Variants in RGS7 observed in about 807,000 individuals in gnomAD.
RGS7 encodes regulator of G-protein signaling 7.
Under a neutral mutation model 81.1 loss-of-function variants are expected in RGS7, and 27 were observed. The observed-to-expected ratio is 0.33, with a 90% confidence interval of 0.25 to 0.46. The LOEUF is 0.46. Ranked by LOEUF, RGS7 falls within the 20% of genes least tolerant of loss-of-function variation. The pLI, the probability that RGS7 is intolerant of heterozygous loss-of-function variation, is 1.00. For synonymous variants in RGS7, 208 were observed against 207.7 expected, an observed-to-expected ratio of 1.00 and a Z score of -0.01; for missense variants, 396 against 607.4, an observed-to-expected ratio of 0.65 and a Z score of 3.66.
chr1:240,854,100 G>T (rs1204138524), intron 9 of RGS7, among the ~76,000 whole-genome samples: 40 of 152,066 alleles, frequency 2.6e-4, no homozygotes, highest in Non-Finnish European at 8.8e-5. Flanking sequence ...GATAATAATT[G>T]ATAGAGACAA....
chr1:241,331,893 T>A (rs2081997741), intron 2 of RGS7, among the ~76,000 whole-genome samples: 1 of 152,190 alleles, frequency 6.6e-6, no homozygotes, highest in Non-Finnish European at 1.5e-5. Context: ...GAAGCATCAA[T>A]AACATGCTGA....
At chr1:241,252,945 A>T (rs1450128221) in intron 2 of RGS7, among the ~76,000 whole-genome samples, 1 of 152,198 alleles carries the variant, frequency 6.6e-6, no homozygotes, top group Non-Finnish European at 1.5e-5. Context: ...AGCAGTACTC[A>T]TCCTCTGAAG....
At chr1:240,810,239 C>T (rs377320221) in intron 14 of RGS7, among the ~76,000 whole-genome samples, 3 of 152,144 alleles carry the variant, frequency 2.0e-5, no homozygotes, top group South Asian at 4.2e-4. Flanking sequence ...CTGTATCTAC[C>T]AATAGACTGT....
At chr1:241,106,691 G>A (rs2065120778) in intron 2 of RGS7, among the ~76,000 whole-genome samples, 1 of 145,038 alleles carries the variant, frequency 6.9e-6, no homozygotes, top group Non-Finnish European at 1.5e-5. Flanking sequence ...ACTCCAGCCT[G>A]GGTGACAGAG....
At chr1:240,959,143 T>C (rs1680930054) in intron 4 of RGS7, among the ~76,000 whole-genome samples, 1 of 152,242 alleles carries the variant, frequency 6.6e-6, no homozygotes, top group Admixed American at 6.5e-5. Context: ...TGGATATGAC[T>C]AAAGTTTACT....
chr1:241,056,548 T>C (rs1393170142), intron 3 of RGS7, among the ~76,000 whole-genome samples: 1 of 152,218 alleles, frequency 6.6e-6, no homozygotes, highest in Non-Finnish European at 1.5e-5. Flanking sequence ...CAGTAAGTAT[T>C]TGTTGAATGA....
chr1:240,842,722 C>A (rs12060495), intron 9 of RGS7, among the ~76,000 whole-genome samples: 101,461 of 151,920 alleles, frequency 0.67, 34,282 homozygotes, highest in Middle Eastern at 0.76. Context: ...CAGACCAATA[C>A]GTTGGAGTTG....
rs528991902 is a variant in RGS7, at chr1:241,046,283, GGGTAGT to G, written c.175+52377_175+52382del. ...CCAGGGAGTAAACACAATACCTAAT[GGGTAGT>G]TTTTCAGCCCTGACCCCCCCCCCCT... On this transcript the variant is annotated intron_variant, in intron 3 of 18. Transcript: ENST00000440928. Among the ~76,000 whole-genome samples the G allele has an allele frequency of 1.4e-3, 188 of 135,768 alleles. 1 individual carries two copies. The highest frequency in any genetic ancestry group is 2.1e-3 in the Non-Finnish European group (137 of 64,202). 89.1% of individuals were successfully genotyped at this position (135,768 alleles called of 152,430 possible).
intron 3 of RGS7, among the ~76,000 whole-genome samples, chr1:241,085,833 A>T (rs1244620367): frequency 6.6e-6 from 1 of 152,102 alleles, no homozygotes; most frequent in Non-Finnish European, 1.5e-5. Context: ...CTTTGTTAAG[A>T]CTCAAATAAA....
chr1:241,346,003 G>A (rs924602451), intron 2 of RGS7, among the ~76,000 whole-genome samples: 6 of 151,770 alleles, frequency 4.0e-5, no homozygotes, highest in Non-Finnish European at 5.9e-5. Flanking sequence ...GATGGAGCGA[G>A]AGTCCGTCTC....
chr1:240,850,329 AC>A lies in RGS7; in HGVS notation c.609+18257del, dbSNP rs368448043. ...TTTGGCAATTCTAGTAATATTTCAG[AC>A]CTTTTCATTATTATCGTATCTGCCA... On this transcript the variant is annotated intron_variant, in intron 9 of 18. Transcript: ENST00000440928. Among the ~76,000 whole-genome samples, 640 of 152,140 alleles carry A rather than the reference AC, an allele frequency of 4.2e-3. 6 individuals are homozygous for A. The highest frequency in any genetic ancestry group is 0.015 in the African/African-American group (611 of 41,482).
rs542013254 is a variant in RGS7, at chr1:240,881,320, A to G, written c.386-11201T>C. On this transcript the variant is annotated intron_variant, in intron 6 of 18. Coordinates refer to ENST00000440928, the MANE Select transcript of RGS7 (RefSeq NM_001364886.1). ...ACAATGAGAACACTTGGACACAGGG[A>G]GGGGAACATCACACACGGGGGGCCT... 3.3e-4 allele frequency among the ~76,000 whole-genome samples: 35 copies of G among 107,552 alleles called. No homozygotes were observed. In the South Asian group the frequency reaches 0.01, roughly 32 times the overall value. 70.6% of individuals were successfully genotyped at this position (107,552 alleles called of 152,430 possible).
intron 3 of RGS7, among the ~76,000 whole-genome samples, chr1:241,057,132 A>G (rs950768890): frequency 6.6e-6 from 1 of 152,074 alleles, no homozygotes; most frequent in Non-Finnish European, 1.5e-5. Flanking sequence ...GGGGAGAGAT[A>G]GCCAAATTGA....
chr1:241,177,321 G>A (rs141346007), intron 2 of RGS7, among the ~76,000 whole-genome samples: 149 of 152,246 alleles, frequency 9.8e-4, no homozygotes, highest in African/African-American at 3.5e-3. Context: ...ATCTGATGGA[G>A]AGAGTTCAGC....
intron 18 of RGS7, among the ~76,000 whole-genome samples, chr1:240,789,069 C>T (rs1001364812): frequency 7.9e-5 from 12 of 152,194 alleles, no homozygotes; most frequent in African/African-American, 2.7e-4. Context: ...GGCAGAAGAA[C>T]ATAAATTGTG....
At chr1:240,835,683 C>G (rs1262796920) in intron 9 of RGS7, among the ~76,000 whole-genome samples, 1 of 152,128 alleles carries the variant, frequency 6.6e-6, no homozygotes, top group African/African-American at 2.4e-5. Flanking sequence ...TTCAAAGCAA[C>G]CAAGATGTCC....
intron 6 of RGS7, among the ~76,000 whole-genome samples, chr1:240,910,250 G>A (rs1020708488): frequency 4.6e-5 from 7 of 152,154 alleles, no homozygotes; most frequent in Non-Finnish European, 1.0e-4. Context: ...TCAAAGTTCT[G>A]TGGAACACGG....
At chr1:241,158,202 G>A (rs2069340071) in intron 2 of RGS7, among the ~76,000 whole-genome samples, 1 of 152,120 alleles carries the variant, frequency 6.6e-6, no homozygotes, top group Non-Finnish European at 1.5e-5. Context: ...CAATAGCATA[G>A]TTGGGAAGTT....
chr1:241,191,242 AG>A (rs1416172207), intron 2 of RGS7, among the ~76,000 whole-genome samples: 1 of 152,142 alleles, frequency 6.6e-6, no homozygotes, highest in Admixed American at 6.5e-5. Context: ...AGCCTCCCAA[AG>A]GGAGGGATTA....
Sources: gnomAD v4.1 joint callset for allele counts (sites outside exome capture counted in the v4.1 genomes callset) on GRCh38, gnomAD v4.1.1 for gene constraint, MANE v1.5 for transcripts, NCBI Gene and HGNC (gene_info 2026-07-23, HGNC 2026-07-21) for gene names.